CKAP5: variants seen among roughly 807,000 people sequenced by gnomAD.
CKAP5 encodes cytoskeleton associated protein 5, also known as cytoskeleton-associated protein 5.
A neutral mutation model predicts 232.8 loss-of-function variants in CKAP5; 27 were observed. The ratio of observed to expected loss-of-function variants is 0.12; its 90% CI spans 0.09 to 0.16. The LOEUF (loss-of-function observed/expected upper bound fraction) is 0.16. Ranked by LOEUF, CKAP5 falls within the 10% of genes least tolerant of loss-of-function variation. The pLI is 1.00. For synonymous variants in CKAP5, 785 were observed against 841.1 expected, an observed-to-expected ratio of 0.93 and a Z score of 1.16; for missense variants, 1,838 against 2,424.7, an observed-to-expected ratio of 0.76 and a Z score of 5.08.
intron 1 of CKAP5, among the ~76,000 whole-genome samples, chr11:46,841,211 A>C (rs1221756113): frequency 6.6e-6 from 1 of 151,868 alleles, no homozygotes; most frequent in East Asian, 1.9e-4. Context: ...CAGAGGTTGC[A>C]GTCAGCCAAG....
intron 1 of CKAP5, among the ~76,000 whole-genome samples, chr11:46,840,876 A>T (rs1006230271): frequency 1.3e-5 from 2 of 150,576 alleles, no homozygotes; most frequent in Admixed American, 6.6e-5. Context: ...AAGCACAGGT[A>T]AAAAAAAACC....
chr11:46,801,304 C>G lies in CKAP5; in HGVS notation c.979G>C (p.Val327Leu). 1 of 1,609,468 alleles carries G rather than the reference C, an allele frequency of 6.2e-7. No individual in the cohort carries two copies. Among genetic ancestry groups the G allele is most frequent in the Non-Finnish European group, 8.5e-7 (1 of 1,175,948 alleles). Residue 327 changes from valine to leucine, a missense_variant and splice_region_variant, in exon 9 of 44, where the codon GTT becomes CTT. Val to Leu is a conservative substitution (Grantham distance 32, BLOSUM62 1). Coordinates refer to ENST00000529230, the MANE Select transcript of CKAP5 (RefSeq NM_001008938.4). ...ATGACATTGGTGTCCTTTCCAACAACCTACAAAGGGGGGTAAAAAGGAAAA... is the reference window on the plus strand; with the variant it reads ...ATGACATTGGTGTCCTTTCCAACAAGCTACAAAGGGGGGTAAAAAGGAAAA... ...YADLVKALKK[V>L]VGKDTNVMLV...
chr11:46,818,266 CA>C, intron 3 of CKAP5, 43 bp downstream of exon 3: 1 of 1,445,750 alleles, frequency 6.9e-7, no homozygotes, highest in African/African-American at 1.4e-5. Flanking sequence ...TATGTAACAC[CA>C]AACAGGGGTT....
chr11:46,762,541 G>T (rs1483744378), intron 31 of CKAP5, 86 bp downstream of exon 31: 2 of 1,522,394 alleles, frequency 1.3e-6, no homozygotes, highest in Non-Finnish European at 1.8e-6. Context: ...AGGCACTGGA[G>T]AAATTTATTT....
intron 4 of CKAP5, among the ~76,000 whole-genome samples, chr11:46,814,330 G>A (rs1939350076): frequency 6.6e-6 from 1 of 151,890 alleles, no homozygotes; most frequent in Non-Finnish European, 1.5e-5. Context: ...CTAGAAACAA[G>A]GAAACTTCAT....
At chr11:46,778,047 C>A (rs2065305711) in intron 22 of CKAP5, 92 bp downstream of exon 22, 2 of 1,012,192 alleles carry the variant, frequency 2.0e-6, no homozygotes, top group Admixed American at 2.6e-5. Flanking sequence ...AAAGTAACCA[C>A]TTATTTTTTG....
At chr11:46,791,257 T>TG (rs368352455) in intron 13 of CKAP5, among the ~76,000 whole-genome samples, 10,355 of 147,816 alleles carry the variant, frequency 0.07, 450 homozygotes, top group Non-Finnish European at 0.11. Flanking sequence ...TTTTTTTTTT[T>TG]TTTGTTTTCT....
At chr11:46,786,049 T>C (rs1441519047) in intron 16 of CKAP5, among the ~76,000 whole-genome samples, 2 of 152,078 alleles carry the variant, frequency 1.3e-5, no homozygotes, top group African/African-American at 4.8e-5. Flanking sequence ...AATGTAATTA[T>C]CTTGGGTGGG....
At chr11:46,760,433 C>T in intron 33 of CKAP5, 179 bp downstream of exon 33, 1 of 710,136 alleles carries the variant, frequency 1.4e-6, no homozygotes, top group Middle Eastern at 2.4e-4. Context: ...GGTTTTGAGA[C>T]AAAGACAAAG....
At chr11:46,796,025 C>A (rs1277148831) in intron 12 of CKAP5, among the ~76,000 whole-genome samples, 1 of 151,810 alleles carries the variant, frequency 6.6e-6, no homozygotes, top group Non-Finnish European at 1.5e-5. Flanking sequence ...TTTAGCCGGG[C>A]GTGGTGGCAG....
At position 46,796,692 on chromosome 11, in the gene CKAP5, A is replaced by G. The variant is rs979672511; in HGVS notation, c.1467+120T>C. The G allele has an allele frequency of 3.6e-6, 4 of 1,110,334 alleles. No individual in the cohort carries two copies. The South Asian group carries it at 7.3e-5, about 20-fold the overall frequency. The allele number at this position is 1,110,334 out of a possible 1,614,324, so 68.8% of individuals were successfully genotyped here. A position where few individuals can be genotyped will look rare whatever the true frequency, so the allele number is the denominator to read the frequency against. On this transcript the variant is annotated intron_variant, in intron 12 of 43. Coordinates refer to ENST00000529230, the MANE Select transcript of CKAP5 (RefSeq NM_001008938.4). ...TCTTTCCTACTATAAATGGCAATTTAAAAAAAATCAAGAACTCCTCATCAA... is the reference window on the plus strand; with the variant it reads ...TCTTTCCTACTATAAATGGCAATTTGAAAAAAATCAAGAACTCCTCATCAA...
In CKAP5 at chr11:46,816,418, T is replaced by C; in HGVS notation, c.252-14A>G. 3 of 1,610,014 alleles carry C rather than the reference T, an allele frequency of 1.9e-6. No individual in the cohort carries two copies. The highest frequency in any genetic ancestry group is 2.5e-6 in the Non-Finnish European group (3 of 1,177,586). Reference sequence around the variant, plus strand: ...TCTCCTGTGGTTCTGTAACATATTATAAAGAACAAAAATCCCACTTAAGTA... The same window carrying C: ...TCTCCTGTGGTTCTGTAACATATTACAAAGAACAAAAATCCCACTTAAGTA... On this transcript the variant is annotated splice_polypyrimidine_tract_variant and intron_variant, in intron 3 of 43. Coordinates refer to ENST00000529230, the MANE Select transcript of CKAP5 (RefSeq NM_001008938.4).
At position 46,750,515 on chromosome 11, in the gene CKAP5, C is replaced by T; in HGVS notation, c.5544+13G>A. 6.2e-7 allele frequency: 1 copy of T among 1,612,862 alleles called. No homozygotes were observed. Among genetic ancestry groups the T allele is most frequent in the Non-Finnish European group, 8.5e-7 (1 of 1,179,008 alleles). On this transcript the variant is annotated intron_variant, in intron 41 of 43. Transcript: ENST00000529230. The stretch of plus-strand genomic sequence containing the variant: ...AAGCAGACCCCTATTCTGCTTAACC[C>T]TTTCACTCTCACCTCTTTAGTGTTT...
At chr11:46,842,886 G>A (rs1268471873) in intron 1 of CKAP5, among the ~76,000 whole-genome samples, 1 of 144,530 alleles carries the variant, frequency 6.9e-6, no homozygotes, top group Non-Finnish European at 1.5e-5. Context: ...AGAATGGCGT[G>A]AACCTGGGAG....
chr11:46,777,835 T>C (rs1319557242), intron 22 of CKAP5, among the ~76,000 whole-genome samples: 5 of 152,200 alleles, frequency 3.3e-5, no homozygotes, highest in Non-Finnish European at 7.4e-5. Flanking sequence ...AATCCTGACA[T>C]AAAAATCCAC....
chr11:46,780,564 T>C, intron 18 of CKAP5, 79 bp from the exon 19 acceptor site: 1 of 1,153,844 alleles, frequency 8.7e-7, no homozygotes, highest in Non-Finnish European at 1.3e-6. Context: ...AGCCAGACTC[T>C]AGGACTGGCT....
rs1490895839 is a variant in CKAP5 at position 46,795,654 on chromosome 11, C to T, written c.1590G>A (p.Lys530=). ...RTAASGAAGD[K]DTKDISAPKP... ...TGGGTGCAGAAATGTCCTTTGTGTCCTTATCTCCTGCAGCCCCTGAAGCAG... is the reference window on the plus strand; with the variant it reads ...TGGGTGCAGAAATGTCCTTTGTGTCTTTATCTCCTGCAGCCCCTGAAGCAG... The change falls in exon 13 of 44, where the codon AAG becomes AAA. Residue 530 remains lysine, a synonymous_variant. Transcript: ENST00000529230. 6.2e-7 allele frequency: 1 copy of T among 1,613,920 alleles called. No homozygotes were observed. The highest frequency in any genetic ancestry group is 8.5e-7 in the Non-Finnish European group (1 of 1,180,002).
At chr11:46,762,570 T>C (rs532249275) in intron 31 of CKAP5, 57 bp downstream of exon 31, 2 of 1,595,432 alleles carry the variant, frequency 1.3e-6, no homozygotes, top group Admixed American at 3.4e-5. Context: ...ATAAACTATT[T>C]CTTCTATAGG....
At position 46,796,940 on chromosome 11, in the gene CKAP5, G is replaced by C; in HGVS notation, c.1339C>G (p.His447Asp). ...LKPFCAALLKHINDSAPEVRD... is the reference protein window; with the variant it reads ...LKPFCAALLKDINDSAPEVRD... ...ACTTCAGGAGCAGAATCATTGATGT[G>C]CTATAGTCCAGAAGTAAGCAAAATG... The change falls in exon 12 of 44, where the codon CAC becomes GAC. Residue 447 changes from histidine to aspartate, a missense_variant and splice_region_variant. Physicochemically the swap from His to Asp is moderately conservative, Grantham distance 81 (BLOSUM62 -1). Around this residue, in one of 6 missense-constraint regions of CKAP5, gnomAD observed 767 missense variants for 954.6 expected, o/e 0.80. Coordinates refer to ENST00000529230, the MANE Select transcript of CKAP5 (RefSeq NM_001008938.4). The C allele has an allele frequency of 6.2e-7, 1 of 1,613,734 alleles. No individual in the cohort carries two copies. Among genetic ancestry groups the C allele is most frequent in the Non-Finnish European group, 8.5e-7 (1 of 1,179,790 alleles).
Sources: allele counts gnomAD v4.1 joint callset (sites outside exome capture counted in the v4.1 genomes callset), GRCh38; gene constraint gnomAD v4.1.1; regional missense constraint gnomAD v4.1.1; transcripts MANE v1.5; gene names NCBI Gene and HGNC (gene_info 2026-07-23, HGNC 2026-07-21).